OSMR: variants seen among roughly 807,000 people sequenced by gnomAD.
OSMR encodes oncostatin-M-specific receptor subunit beta.
A neutral mutation model predicts 99.9 loss-of-function variants in OSMR; 81 were observed. The observed-to-expected ratio is 0.81, with a 90% confidence interval of 0.68 to 0.97. OSMR has a LOEUF of 0.97. Ranked by LOEUF, OSMR falls within the 50% of genes least tolerant of loss-of-function variation. The probability of loss-of-function intolerance (pLI) is 0.00; values close to 1 mark genes in which losing one functional copy is unlikely to be tolerated. For missense variants in OSMR, 1,099 were observed against 1,153.4 expected (o/e 0.95, Z 0.68); for synonymous variants, 406 against 410.4 (o/e 0.99, Z 0.13).
In OSMR at chr5:38,933,379, C is replaced by G. The variant is rs762441621; in HGVS notation, c.2875C>G (p.Pro959Ala). 25 of 1,613,880 alleles carry G rather than the reference C, an allele frequency of 1.5e-5. No homozygotes were observed. In the South Asian group the frequency reaches 2.5e-4, roughly 16 times the overall value. The part of the protein sequence containing the change: ...MAVSLRLALP[P>A]PTENSSLSSI... ...AGTCTCCCTGCGTCTTGCCTTGCCTCCCCCGACCGAGAATAGCAGCCTCTC... is the reference window on the plus strand; with the variant it reads ...AGTCTCCCTGCGTCTTGCCTTGCCTGCCCCGACCGAGAATAGCAGCCTCTC... Residue 959 changes from proline to alanine, a missense_variant, in exon 18 of 18, where the codon CCC becomes GCC. By Grantham distance (27) the Pro-to-Ala change is conservative. Transcript: ENST00000274276.
intron 7 of OSMR, among the ~76,000 whole-genome samples, chr5:38,895,128 TG>T (rs1744421000): frequency 6.6e-6 from 1 of 152,092 alleles, no homozygotes; most frequent in Non-Finnish European, 1.5e-5. Context: ...TAGTGCTAAA[TG>T]CCTGCATCAA....
chr5:38,943,167 T>TAA lies in OSMR; in HGVS notation c.75-1027_75-1026dup, dbSNP rs1554058622. The TAA allele has an allele frequency of 2.7e-3, 1,103 of 415,344 alleles. 4 individuals are homozygous for TAA. Among genetic ancestry groups the TAA allele is most frequent in the East Asian group, 0.012 (330 of 28,238 alleles). 25.7% of individuals were successfully genotyped at this position (415,344 alleles called of 1,614,324 possible). Reference sequence around the variant, plus strand: ...GACATTCTGAGTTTGGGTTTTTTTTTAAAAAAAATGATTATCAAAACCTGA... The same window carrying TAA: ...GACATTCTGAGTTTGGGTTTTTTTTTAAAAAAAAAATGATTATCAAAACCTGA... On this transcript the variant is annotated intron_variant and NMD_transcript_variant, in intron 1 of 2. Coordinates refer to the OSMR transcript ENST00000508882.
chr5:38,942,081 A>T (rs1188072177), intron 1 of OSMR: 2 of 381,714 alleles, frequency 5.2e-6, no homozygotes, highest in African/African-American at 4.1e-5. Flanking sequence ...AAACTGTGGT[A>T]ATGAATCATG....
At chr5:38,872,406 G>T (rs1579669856) in intron 2 of OSMR, among the ~76,000 whole-genome samples, 1 of 152,210 alleles carries the variant, frequency 6.6e-6, no homozygotes, top group South Asian at 2.1e-4. Flanking sequence ...CTTAGTCTTG[G>T]TTTCTCTGAG....
chr5:38,865,678 A>G (rs531312657), intron 1 of OSMR, among the ~76,000 whole-genome samples: 1 of 152,302 alleles, frequency 6.6e-6, no homozygotes, highest in South Asian at 2.1e-4. Context: ...CCACATGCCC[A>G]CCTGATGTAC....
chr5:38,942,702 C>T lies in OSMR; in HGVS notation c.75-1499C>T, dbSNP rs948627123. On this transcript the variant is annotated intron_variant and NMD_transcript_variant, in intron 1 of 2. Transcript: ENST00000508882. ...AATTCCTGGGCTCAAGCAATTCTCC[C>T]GCGCTGACCCCACAAAGTGCTGGGA... The T allele has an allele frequency of 1.1e-4, 75 of 703,418 alleles. 1 individual carries two copies. The highest frequency in any genetic ancestry group is 6.8e-4 in the African/African-American group (38 of 56,238). The allele number at this position is 703,418 out of a possible 1,614,324, so 43.6% of individuals were successfully genotyped here.
chr5:38,910,306 A>G (rs1428381315), intron 9 of OSMR, among the ~76,000 whole-genome samples: 2 of 152,220 alleles, frequency 1.3e-5, no homozygotes, highest in African/African-American at 4.8e-5. Flanking sequence ...TGACAGTATT[A>G]CATGAATTAT....
At chr5:38,928,104 G>A (rs1428736312) in intron 15 of OSMR, among the ~76,000 whole-genome samples, 1 of 152,092 alleles carries the variant, frequency 6.6e-6, no homozygotes, top group Non-Finnish European at 1.5e-5. Flanking sequence ...CAGCATTTTG[G>A]TCATATCCAT....
In OSMR at chr5:38,918,974, G is replaced by A. The variant is rs374498827; in HGVS notation, c.1497G>A (p.Arg499=). ...ACAGCACAAAACTAATCCTTGACAG[G>A]TGTTCCTACCAAATCTGCGTCATAG... ...PANSTKLILD[R]CSYQICVIAN... is the part of the protein sequence containing the mutation. Residue 499 remains arginine, a synonymous_variant, in exon 11 of 18, where the codon AGG becomes AGA. Coordinates refer to ENST00000274276, the MANE Select transcript of OSMR (RefSeq NM_003999.3). 4.3e-6 allele frequency: 7 copies of A among 1,614,006 alleles called. No individual in the cohort carries two copies. Among genetic ancestry groups the A allele is most frequent in the Non-Finnish European group, 5.9e-6 (7 of 1,180,024 alleles).
intron 4 of OSMR, among the ~76,000 whole-genome samples, chr5:38,883,426 T>C (rs1262112778): frequency 6.6e-6 from 1 of 152,242 alleles, no homozygotes; most frequent in Non-Finnish European, 1.5e-5. Context: ...GAGCAAACTT[T>C]GGCTAAGTCT....
chr5:38,902,270 C>A (rs357265), intron 7 of OSMR, among the ~76,000 whole-genome samples: 4,179 of 152,280 alleles, frequency 0.027, 119 homozygotes, highest in South Asian at 0.085. Flanking sequence ...TGGCTTAAAT[C>A]CTTAGCTGTG....
At chr5:38,944,045 C>G (rs1284341674) in intron 1 of OSMR, among the ~76,000 whole-genome samples, 1 of 152,030 alleles carries the variant, frequency 6.6e-6, no homozygotes, top group African/African-American at 2.4e-5. Context: ...CCATTAACTA[C>G]TATATTAGAA....
chr5:38,914,215 G>A (rs969205443), intron 9 of OSMR, among the ~76,000 whole-genome samples: 2 of 152,170 alleles, frequency 1.3e-5, no homozygotes, highest in Non-Finnish European at 2.9e-5. Flanking sequence ...CAAGCTGTTG[G>A]CTGAGGTTGT....
chr5:38,881,562 G>T (rs1444841893), intron 3 of OSMR, 31 bp from the exon 4 acceptor site: 1 of 1,614,100 alleles, frequency 6.2e-7, no homozygotes, highest in South Asian at 1.1e-5. Context: ...AGATGGCTAT[G>T]TGTCTCCAAT....
At chr5:38,849,160 T>G (rs370212225) in intron 1 of OSMR, among the ~76,000 whole-genome samples, 1 of 152,198 alleles carries the variant, frequency 6.6e-6, no homozygotes, top group African/African-American at 2.4e-5. Context: ...ATTAGCAACG[T>G]TGCTTCAGAG....
intron 3 of OSMR, among the ~76,000 whole-genome samples, chr5:38,879,593 G>GTACA (rs1469596736): frequency 6.6e-6 from 1 of 151,758 alleles, no homozygotes; most frequent in African/African-American, 2.4e-5. Context: ...TCTAGCAGGG[G>GTACA]TCTGGGGGAA....
chr5:38,924,512 C>A lies in OSMR; in HGVS notation c.1961C>A (p.Pro654His). The A allele has an allele frequency of 6.2e-7, 1 of 1,614,128 alleles. No individual in the cohort carries two copies. ...AAAGATTACTCTACTGAATCTCAAC[C>A]TGGTTTTATACAAGGGTACCATGTC... ...SWKDYSTESQ[P>H]GFIQGYHVYL... is the part of the protein sequence containing the mutation. Residue 654 changes from proline (P) to histidine (H), a missense_variant, in exon 14 of 18, where the codon CCT becomes CAT. Coordinates refer to ENST00000274276, the MANE Select transcript of OSMR (RefSeq NM_003999.3).
chr5:38,862,945 C>T (rs1338375775), intron 1 of OSMR, among the ~76,000 whole-genome samples: 4 of 151,958 alleles, frequency 2.6e-5, no homozygotes, highest in African/African-American at 9.7e-5. Flanking sequence ...GCGGATCAGT[C>T]GCGGTTAGGA....
intron 15 of OSMR, among the ~76,000 whole-genome samples, chr5:38,930,920 T>TTTTG (rs1554056380): frequency 2.1e-5 from 3 of 141,890 alleles, no homozygotes; most frequent in Non-Finnish European, 4.6e-5. Flanking sequence ...CAGAAGCATT[T>TTTTG]TGTGTGTGTG....
Sources: allele counts gnomAD v4.1 joint callset (sites outside exome capture counted in the v4.1 genomes callset), GRCh38; gene constraint gnomAD v4.1.1; transcripts MANE v1.5; gene names NCBI Gene and HGNC (gene_info 2026-07-23, HGNC 2026-07-21).